Variants in UBE2V1 observed in about 807,000 individuals in gnomAD.
UBE2V1 encodes ubiquitin-conjugating enzyme E2 variant 1.
In UBE2V1, 15 loss-of-function variants were observed where a neutral mutation model predicts 19.6. That is an observed-to-expected ratio of 0.77 (90% CI 0.51 to 1.18). UBE2V1 has a LOEUF of 1.18. Among genes scored for constraint, UBE2V1 ranks in the 50% most tolerant of loss-of-function variants. UBE2V1 has a pLI of 0.00. For synonymous variants in UBE2V1, 60 were observed against 60.7 expected, an observed-to-expected ratio of 0.99 and a Z score of 0.05; for missense variants, 125 against 184.8, an observed-to-expected ratio of 0.68 and a Z score of 1.88.
chr20:50,086,265 C>T (rs1243691548), intron 2 of UBE2V1, among the ~76,000 whole-genome samples: 2 of 152,138 alleles, frequency 1.3e-5, no homozygotes, highest in Admixed American at 6.6e-5. Flanking sequence ...TGGAAGTGTT[C>T]CCGATCCCCT....
chr20:50,086,004 TCCC>T (rs1367332335), intron 2 of UBE2V1, among the ~76,000 whole-genome samples: 2 of 152,022 alleles, frequency 1.3e-5, no homozygotes, highest in African/African-American at 4.8e-5. Context: ...TCTTCTGAAC[TCCC>T]CCAAGTCTCT....
chr20:50,111,242 C>G, intron 1 of UBE2V1: 1 of 985,344 alleles, frequency 1.0e-6, no homozygotes, highest in Non-Finnish European at 1.2e-6. Flanking sequence ...CACTAGACAG[C>G]AGCTGACATT....
In UBE2V1 at chr20:50,112,595, G is replaced by A. The variant is rs77455914; in HGVS notation, c.22+512C>T. 6.9e-3 allele frequency among the ~76,000 whole-genome samples: 1,051 copies of A among 152,196 alleles called. 7 individuals are homozygous for A. The highest frequency in any genetic ancestry group is 0.022 in the African/African-American group (901 of 41,520). On this transcript the variant is annotated intron_variant, in intron 1 of 3. Coordinates refer to ENST00000371674, the MANE Select transcript of UBE2V1 (RefSeq NM_001032288.3). ...TAACGCCGGAGCCGTTCCCTCAACC[G>A]ATAGGGGATCCTCTCAAGTCACCCC...
chr20:50,093,790 G>C (rs2147053309), intron 2 of UBE2V1, among the ~76,000 whole-genome samples: 1 of 151,646 alleles, frequency 6.6e-6, no homozygotes, highest in Middle Eastern at 3.4e-3. Flanking sequence ...AGGAGTTCAA[G>C]ACCAGCCTGG....
rs2078776048 is a variant in UBE2V1 at position 50,084,229 on chromosome 20, C to T, written c.197G>A (p.Ser66Asn). The change falls in exon 3 of 4, where the codon AGC (serine) becomes AAC (asparagine). Residue 66 changes from serine to asparagine, a missense_variant. Ser to Asn is a conservative substitution (Grantham distance 46). Transcript: ENST00000371674. ...TTTAGGTCCACATTCTATTTTAAGG[C>T]TGTATATTCGGTTTTCATAAATTGT... ...PRTIYENRIYSLKIECGPKYP... is the reference protein window; with the variant it reads ...PRTIYENRIYNLKIECGPKYP... 6.2e-7 allele frequency: 1 copy of T among 1,611,872 alleles called. No individual in the cohort carries two copies. The highest frequency in any genetic ancestry group is 8.5e-7 in the Non-Finnish European group (1 of 1,179,080).
intron 2 of UBE2V1, among the ~76,000 whole-genome samples, chr20:50,091,297 C>T (rs6020250): frequency 0.33 from 50,306 of 151,462 alleles, 9,151 homozygotes; most frequent in African/African-American, 0.5. Context: ...TCACCTGCCT[C>T]GGCCTCCCAA....
intron 3 of UBE2V1, 58 bp from the exon 4 acceptor site, chr20:50,082,972 T>C (rs895897555): frequency 1.6e-5 from 25 of 1,590,708 alleles, no homozygotes; most frequent in South Asian, 1.0e-4. Context: ...AATAGCTATA[T>C]GCCGGGGTTA....
chr20:50,101,172 G>A (rs1404417793), intron 1 of UBE2V1, among the ~76,000 whole-genome samples: 2 of 152,148 alleles, frequency 1.3e-5, no homozygotes, highest in Non-Finnish European at 2.9e-5. Flanking sequence ...CTGCATTATA[G>A]GACAATTTGA....
At chr20:50,105,069 AT>A (rs899240539) in intron 1 of UBE2V1, among the ~76,000 whole-genome samples, 9 of 152,052 alleles carry the variant, frequency 5.9e-5, no homozygotes, top group African/African-American at 1.9e-4. Context: ...AAAACTTACC[AT>A]TTTTTTTAAA....
Position 50,082,723 on chromosome 20 carries a change from A to G in UBE2V1, c.*45T>C. ...ACTGTGGAAAATGAAGACTGATTAA[A>G]TCGAATTGGGGGGAAGGGGAAGGGC... On this transcript the variant is annotated 3_prime_UTR_variant, in exon 4 of 4. Transcript: ENST00000371674. 3 of 1,594,036 alleles carry G rather than the reference A, an allele frequency of 1.9e-6. No individual in the cohort carries two copies. The highest frequency in any genetic ancestry group is 2.6e-6 in the Non-Finnish European group (3 of 1,176,192).
chr20:50,115,922 C>T, upstream of UBE2V1: 1 of 178,698 alleles, frequency 5.6e-6, no homozygotes, highest in Non-Finnish European at 1.2e-5. Context: ...ATAATAATTC[C>T]CGTGCCGAGC....
rs2079560782 is a variant in UBE2V1 at position 50,095,402 on chromosome 20, A to ATG, written c.171+1269_171+1270insCA. 4 of 152,336 alleles carry ATG rather than the reference A, an allele frequency of 2.6e-5. No individual in the cohort carries two copies. In the Middle Eastern group the frequency reaches 0.01, roughly 389 times the overall value. 9.4% of individuals were successfully genotyped at this position (152,336 alleles called of 1,614,324 possible). On this transcript the variant is annotated intron_variant, in intron 2 of 3. Transcript: ENST00000371674. ...AAAATTCTGGTTTTCACAGGAAAAAAAGGATAAAGAAATGAGTAAAAACAG... is the reference window on the plus strand; with the variant it reads ...AAAATTCTGGTTTTCACAGGAAAAAATGAGGATAAAGAAATGAGTAAAAACAG...
At position 50,094,115 on chromosome 20, in the gene UBE2V1, AATATATT is replaced by A. The variant is rs1220744172; in HGVS notation, c.171+2550_171+2556del. ...GAGGATTTGCTTTTATTTAAATAAA[AATATATT>A]ATATATTATAATTATATATCTTATA... On this transcript the variant is annotated intron_variant, in intron 2 of 3. Coordinates refer to ENST00000371674, the MANE Select transcript of UBE2V1 (RefSeq NM_001032288.3). 9.6e-5 allele frequency among the ~76,000 whole-genome samples: 12 copies of A among 124,402 alleles called. 1 individual carries two copies. The highest frequency in any genetic ancestry group is 3.4e-4 in the Admixed American group (4 of 11,826). The allele number at this position is 124,402 out of a possible 152,430, so 81.6% of individuals were successfully genotyped here.
At chr20:50,106,088 A>G (rs1456027601) in intron 1 of UBE2V1, among the ~76,000 whole-genome samples, 1 of 152,150 alleles carries the variant, frequency 6.6e-6, no homozygotes, top group Non-Finnish European at 1.5e-5. Flanking sequence ...ATGACTATTA[A>G]AAAGTGAATT....
intron 1 of UBE2V1, among the ~76,000 whole-genome samples, chr20:50,098,514 G>C (rs1468644005): frequency 3.9e-5 from 6 of 152,144 alleles, no homozygotes; most frequent in Non-Finnish European, 8.8e-5. Flanking sequence ...AGTGAGGAGT[G>C]GCGTAATTCT....
chr20:50,088,077 T>A (rs2079023621), intron 2 of UBE2V1, among the ~76,000 whole-genome samples: 1 of 136,226 alleles, frequency 7.3e-6, no homozygotes. Context: ...TGCATACATA[T>A]GAGATAACCC....
At chr20:50,102,503 A>G (rs769696533) in intron 1 of UBE2V1, among the ~76,000 whole-genome samples, 3 of 152,190 alleles carry the variant, frequency 2.0e-5, no homozygotes, top group Non-Finnish European at 4.4e-5. Flanking sequence ...TGTTTTTAAA[A>G]GACAGGTCAG....
intron 3 of UBE2V1, 46 bp downstream of exon 3, chr20:50,084,083 C>T (rs2078767876): frequency 6.5e-7 from 1 of 1,534,646 alleles, no homozygotes; most frequent in Admixed American, 2.2e-5. Flanking sequence ...AAGTACAAAG[C>T]AACTGTCAAC....
upstream of UBE2V1, chr20:50,113,257 A>AC: frequency 1.5e-6 from 1 of 684,528 alleles, no homozygotes; most frequent in Admixed American, 4.4e-5. Flanking sequence ...GACCTGCACG[A>AC]CCCGTGGCCT....
Sources: allele counts gnomAD v4.1 joint callset (sites outside exome capture counted in the v4.1 genomes callset), GRCh38; gene constraint gnomAD v4.1.1; transcripts MANE v1.5; gene names NCBI Gene and HGNC (gene_info 2026-07-23, HGNC 2026-07-21).